Variants in PIP5K1C observed in about 807,000 individuals in gnomAD.
The protein encoded by PIP5K1C is phosphatidylinositol 4-phosphate 5-kinase type-1 gamma.
In PIP5K1C, 45 loss-of-function variants were observed where a neutral mutation model predicts 80.1. The ratio of observed to expected loss-of-function variants is 0.56; its 90% confidence interval spans 0.44 to 0.72. The LOEUF is 0.72. Ranked by LOEUF, PIP5K1C falls within the 30% of genes least tolerant of loss-of-function variation. The pLI, the probability that PIP5K1C is intolerant of heterozygous loss-of-function variation, is 0.00. For synonymous variants in PIP5K1C, 498 were observed against 420.1 expected (o/e 1.19, Z -2.27); for missense variants, 753 against 954.6 (o/e 0.79, Z 2.78).
intron 5 of PIP5K1C, among the ~76,000 whole-genome samples, chr19:3,657,908 C>T (rs1349023871): frequency 6.6e-6 from 1 of 152,138 alleles, no homozygotes; most frequent in Admixed American, 6.5e-5. Flanking sequence ...GCCCTCCAAC[C>T]TGGGCAACAG....
At chr19:3,661,232 CAG>C in intron 4 of PIP5K1C, 149 bp from the exon 5 acceptor site, 2 of 602,082 alleles carry the variant, frequency 3.3e-6, no homozygotes, top group Admixed American at 2.9e-5. Context: ...CCACAAGCAA[CAG>C]GGGGCTCCCG....
At chr19:3,634,521 C>G (rs1188266673) in intron 16 of PIP5K1C, among the ~76,000 whole-genome samples, 1 of 152,236 alleles carries the variant, frequency 6.6e-6, no homozygotes, top group Non-Finnish European at 1.5e-5. Flanking sequence ...CCACGTCCAC[C>G]TGGCGGCCCT....
intron 1 of PIP5K1C, among the ~76,000 whole-genome samples, chr19:3,683,989 G>C: frequency 6.8e-6 from 1 of 146,980 alleles, no homozygotes; most frequent in African/African-American, 2.5e-5. Context: ...CCCCATGTTG[G>C]AGCCCCCACC....
chr19:3,648,711 G>T lies in PIP5K1C; in HGVS notation c.1128-3C>A. ...TCACAGCGGGGATCCCGCCCATCCTGGGGAGAGAGGCCGAGGGTACCATCA... is the reference window on the plus strand; with the variant it reads ...TCACAGCGGGGATCCCGCCCATCCTTGGGAGAGAGGCCGAGGGTACCATCA... On this transcript the variant is annotated splice_region_variant and splice_polypyrimidine_tract_variant and intron_variant, in intron 8 of 17. Transcript: ENST00000335312. The surrounding 1 kb of genome is among the most constrained non-coding windows in gnomAD (Gnocchi z 4.3). 2.5e-6 allele frequency: 4 copies of T among 1,612,384 alleles called. No homozygotes were observed. The highest frequency in any genetic ancestry group is 3.4e-6 in the Non-Finnish European group (4 of 1,179,388).
chr19:3,636,541 G>A (rs1258198501), intron 16 of PIP5K1C: 4 of 985,406 alleles, frequency 4.1e-6, no homozygotes, highest in East Asian at 1.1e-4. Flanking sequence ...CAGCAGGGCC[G>A]CTGGGTCTCT....
intron 1 of PIP5K1C, among the ~76,000 whole-genome samples, 168 bp downstream of exon 1, chr19:3,700,129 T>TA (rs1390481462): frequency 6.6e-6 from 1 of 151,176 alleles, no homozygotes. Context: ...CGGCGCGGCT[T>TA]CAGCCCCGTC....
At chr19:3,690,365 G>A (rs562922096) in intron 1 of PIP5K1C, among the ~76,000 whole-genome samples, 8 of 151,924 alleles carry the variant, frequency 5.3e-5, no homozygotes, top group African/African-American at 1.4e-4. Context: ...GCATGGTGGC[G>A]CACACCTGCA....
intron 1 of PIP5K1C, among the ~76,000 whole-genome samples, chr19:3,678,287 G>A (rs2035456486): frequency 1.6e-5 from 2 of 126,064 alleles, no homozygotes; most frequent in East Asian, 2.9e-4. Flanking sequence ...GAGGGGTGGA[G>A]GGATGGAGGG....
At chr19:3,675,786 T>C (rs2035338791) in intron 1 of PIP5K1C, among the ~76,000 whole-genome samples, 2 of 152,186 alleles carry the variant, frequency 1.3e-5, no homozygotes, top group South Asian at 4.1e-4. Context: ...GGGGCCGTCC[T>C]GGGCACTGCA....
At position 3,692,966 on chromosome 19, in the gene PIP5K1C, C is replaced by A. The variant is rs77639285; in HGVS notation, c.94+7331G>T. 0.02 allele frequency among the ~76,000 whole-genome samples: 3,024 copies of A among 152,124 alleles called. 109 individuals carry two copies. Among genetic ancestry groups the A allele is most frequent in the African/African-American group, 0.07 (2,908 of 41,472 alleles). ...CCCCTGGATCTCTGTTCAAGTGTGG[C>A]CCCCGAGTCCCCAGCCTTGAGGGCA... is the stretch of plus-strand genomic sequence containing the variant. On this transcript the variant is annotated intron_variant, in intron 1 of 17. Coordinates refer to ENST00000335312, the MANE Select transcript of PIP5K1C (RefSeq NM_012398.3). This position sits in a 1 kb window ranked among gnomAD's most constrained non-coding sequence, Gnocchi z 5.2.
Position 3,644,130 on chromosome 19 carries a change from G to A in PIP5K1C, c.1467C>T (p.Tyr489=), listed in dbSNP as rs375497401. ...GGTAGCTGCGGGCCCCCCGCAGGTC[G>A]TACTGGGCCTCCTCCCGCTCGCTAG... The part of the protein sequence containing the change: ...QIPSEREEAQ[Y]DLRGARSYPT... Residue 489 remains tyrosine, a synonymous_variant, in exon 12 of 18, where the codon TAC becomes TAT. Transcript: ENST00000335312. The A allele has an allele frequency of 2.5e-5, 41 of 1,611,702 alleles. No homozygotes were observed. Among genetic ancestry groups the A allele is most frequent in the Middle Eastern group, 1.7e-4 (1 of 5,932 alleles).
intron 1 of PIP5K1C, among the ~76,000 whole-genome samples, chr19:3,687,745 T>C (rs1288290724): frequency 6.6e-6 from 1 of 151,618 alleles, no homozygotes; most frequent in Non-Finnish European, 1.5e-5. Context: ...TCCACCCGAG[T>C]AGTAGGCCGC....
rs768313449 is a variant in PIP5K1C at position 3,696,732 on chromosome 19, G to A, written c.94+3565C>T. ...CGGGAGGGCAGGGAGGGCAGAGTGC[G>A]GAGGGGAGGGCAGGGAGGGCAGGGA... On this transcript the variant is annotated intron_variant, in intron 1 of 17. Coordinates refer to ENST00000335312, the MANE Select transcript of PIP5K1C (RefSeq NM_012398.3). The surrounding 1 kb of genome is among the most constrained non-coding windows in gnomAD (Gnocchi z 4.1). Among the ~76,000 whole-genome samples the A allele has an allele frequency of 1.1e-4, 11 of 101,126 alleles. No individual in the cohort carries two copies. Among genetic ancestry groups the A allele is most frequent in the Middle Eastern group, 4.7e-3 (1 of 214 alleles). 66.3% of individuals were successfully genotyped at this position (101,126 alleles called of 152,430 possible).
intron 16 of PIP5K1C, chr19:3,636,437 C>A: frequency 6.1e-6 from 6 of 985,468 alleles, no homozygotes; most frequent in Non-Finnish European, 7.2e-6. Context: ...ACCCTCCCCA[C>A]GTCTGCCCCT....
At chr19:3,679,560 C>T (rs1156432360) in intron 1 of PIP5K1C, among the ~76,000 whole-genome samples, 16 of 152,222 alleles carry the variant, frequency 1.1e-4, no homozygotes, top group Admixed American at 9.2e-4. Context: ...CAGACCTACT[C>T]GCTACTCAGT....
intron 1 of PIP5K1C, among the ~76,000 whole-genome samples, chr19:3,698,552 C>A (rs572634825): frequency 6.6e-6 from 1 of 152,356 alleles, no homozygotes; most frequent in South Asian, 2.1e-4. Context: ...CCAGGGGACA[C>A]TGAACGGTGT....
rs750464905 is a variant in PIP5K1C, at chr19:3,639,022, G to A, written c.1788-6C>T. On this transcript the variant is annotated splice_region_variant and splice_polypyrimidine_tract_variant and intron_variant, in intron 15 of 17. Coordinates refer to ENST00000335312, the MANE Select transcript of PIP5K1C (RefSeq NM_012398.3). ...CGGCCGGGGAAGCCTCCACCCTGGG[G>A]ACAGGAGTAGACAGAGGGTCTTGAC... 6 of 1,609,250 alleles carry A rather than the reference G, an allele frequency of 3.7e-6. No homozygotes were observed. Among genetic ancestry groups the A allele is most frequent in the South Asian group, 3.3e-5 (3 of 91,078 alleles).
In PIP5K1C at chr19:3,656,217, G is replaced by A. The variant is rs12982061; in HGVS notation, c.621+188C>T. Among the ~76,000 whole-genome samples the A allele has an allele frequency of 0.095, 14,487 of 152,260 alleles. 930 individuals carry two copies. The highest frequency in any genetic ancestry group is 0.13 in the Non-Finnish European group (8,845 of 67,996). On this transcript the variant is annotated intron_variant, in intron 6 of 17. Transcript: ENST00000335312. ...TGTGGCCACAGGAGGAAGAGAGGGC[G>A]GCTCCTGAACACTGGTGCTGGTGAA...
At chr19:3,654,618 C>A (rs1317877081) in intron 6 of PIP5K1C, among the ~76,000 whole-genome samples, 1 of 151,408 alleles carries the variant, frequency 6.6e-6, no homozygotes, top group Non-Finnish European at 1.5e-5. Flanking sequence ...GAGTTTGAGA[C>A]CAGCCTGGCC....
Sources: gnomAD v4.1 joint callset for allele counts (sites outside exome capture counted in the v4.1 genomes callset) on GRCh38, gnomAD v4.1.1 for gene constraint, Gnocchi (gnomAD v3.1) non-coding constraint, MANE v1.5 for transcripts, NCBI Gene and HGNC (gene_info 2026-07-23, HGNC 2026-07-21) for gene names.